The following TNIP1 variants were observed in gnomAD, a reference collection of about 807,000 sequenced individuals.
TNIP1 encodes the protein TNFAIP3-interacting protein 1.
A neutral mutation model predicts 86.6 loss-of-function variants in TNIP1; 22 were observed. That is an observed-to-expected ratio of 0.25 (90% CI 0.18 to 0.36). The LOEUF (loss-of-function observed/expected upper bound fraction) is 0.36. Ranked by LOEUF, TNIP1 falls within the 10% of genes least tolerant of loss-of-function variation. TNIP1 has a pLI of 1.00. For synonymous variants in TNIP1, 294 were observed against 313.0 expected (o/e 0.94, Z 0.64); for missense variants, 709 against 820.6 (o/e 0.86, Z 1.66).
At chr5:151,042,842 A>C (rs1758619360) in intron 10 of TNIP1, 54 bp downstream of exon 10, 4 of 1,610,630 alleles carry the variant, frequency 2.5e-6, no homozygotes, top group African/African-American at 2.7e-5. Flanking sequence ...CTAAAGAGGC[A>C]GCGAGATGAA....
intron 12 of TNIP1, among the ~76,000 whole-genome samples, chr5:151,037,872 C>CT (rs1205967851): frequency 6.6e-6 from 1 of 152,206 alleles, no homozygotes; most frequent in Non-Finnish European, 1.5e-5. Flanking sequence ...ATTCAGGATG[C>CT]TCCGAGGGGA....
At chr5:151,060,800 T>C (rs185440456) in intron 4 of TNIP1, among the ~76,000 whole-genome samples, 127 of 152,348 alleles carry the variant, frequency 8.3e-4, no homozygotes, top group Admixed American at 2.6e-3. Context: ...CAGTATACAG[T>C]TGGTTAATGC....
At chr5:151,053,485 G>A (rs1437404238) in intron 6 of TNIP1, among the ~76,000 whole-genome samples, 1 of 152,182 alleles carries the variant, frequency 6.6e-6, no homozygotes, top group African/African-American at 2.4e-5. Flanking sequence ...GAGTGGAAGT[G>A]TCCATGAACC....
intron 12 of TNIP1, among the ~76,000 whole-genome samples, chr5:151,038,493 G>C (rs183510814): frequency 6.6e-6 from 1 of 152,154 alleles, no homozygotes; most frequent in Non-Finnish European, 1.5e-5. Flanking sequence ...AGACCACTCC[G>C]CTTGGCTCAG....
chr5:151,059,875 G>A (rs1463779882), intron 5 of TNIP1, among the ~76,000 whole-genome samples: 5 of 88,406 alleles, frequency 5.7e-5, no homozygotes, highest in Non-Finnish European at 6.4e-5. Flanking sequence ...GTGCGCGCGC[G>A]CGCGCGCATG....
chr5:151,063,631 G>C lies in TNIP1; in HGVS notation c.253C>G (p.Pro85Ala), dbSNP rs1761866325. ...PPSPSLGSFD[P>A]LAELTGKDSN... ...CTTATACCTGTGAGCTCAGCCAGGG[G>C]GTCGAAGGAGCCCAAGGAGGGAGAA... The change falls in exon 3 of 18, where the codon CCC (proline) becomes GCC (alanine). Residue 85 changes from proline to alanine, a missense_variant. By Grantham distance (27) the Pro-to-Ala change is conservative (BLOSUM62 -1). Transcript: ENST00000521591. 1 of 1,613,926 alleles carries C rather than the reference G, an allele frequency of 6.2e-7. No homozygotes were observed. Among genetic ancestry groups the C allele is most frequent in the African/African-American group, 1.3e-5 (1 of 74,884 alleles).
chr5:151,059,779 CAGAGAGAGAGAGAG>C (rs55637016), intron 5 of TNIP1, among the ~76,000 whole-genome samples: 899 of 67,390 alleles, frequency 0.013, 6 homozygotes, highest in East Asian at 0.031. Flanking sequence ...GTACGAGAGA[CAGAGAGAGAGAGAG>C]AGAGAGAGAG....
intron 1 of TNIP1, among the ~76,000 whole-genome samples, chr5:151,075,964 C>T (rs1044651811): frequency 1.1e-4 from 16 of 152,232 alleles, no homozygotes; most frequent in Non-Finnish European, 5.9e-5. Flanking sequence ...CTGGGCTGCC[C>T]GGTTTGTCCA....
chr5:151,055,923 G>T (rs750681970), intron 6 of TNIP1, among the ~76,000 whole-genome samples: 15 of 152,220 alleles, frequency 9.9e-5, no homozygotes, highest in African/African-American at 3.4e-4. Context: ...ACACTTCCCC[G>T]CTGCTAAAGC....
At chr5:151,060,191 G>T in intron 5 of TNIP1, 127 bp downstream of exon 5, 2 of 925,144 alleles carry the variant, frequency 2.2e-6, no homozygotes, top group East Asian at 2.5e-5. Flanking sequence ...CCTGCCCCTC[G>T]TGTATCCCCA....
intron 11 of TNIP1, among the ~76,000 whole-genome samples, chr5:151,040,377 G>A (rs1329763470): frequency 6.6e-6 from 1 of 152,222 alleles, no homozygotes; most frequent in Admixed American, 6.5e-5. Flanking sequence ...ACCCAGCCCT[G>A]TGTGACCTTT....
At chr5:151,086,406 G>GCAGA (rs2113872113) in intron 1 of TNIP1, among the ~76,000 whole-genome samples, 1 of 152,276 alleles carries the variant, frequency 6.6e-6, no homozygotes, top group African/African-American at 2.4e-5. Context: ...GGCCCTAGAA[G>GCAGA]CAGAGCAGGC....
chr5:151,084,176 G>A (rs143499923), upstream of TNIP1, among the ~76,000 whole-genome samples: 2 of 152,356 alleles, frequency 1.3e-5, no homozygotes, highest in East Asian at 3.9e-4. Context: ...GGCATGCCGT[G>A]GCTCACGCCT....
chr5:151,059,134 G>T (rs1167012510), intron 5 of TNIP1, among the ~76,000 whole-genome samples: 1 of 152,242 alleles, frequency 6.6e-6, no homozygotes, highest in Non-Finnish European at 1.5e-5. Flanking sequence ...AGGCTGTGTT[G>T]TCTTGGCTCA....
intron 13 of TNIP1, 31 bp from the exon 14 acceptor site, chr5:151,035,738 G>A (rs778995293): frequency 9.3e-6 from 15 of 1,612,542 alleles, no homozygotes; most frequent in African/African-American, 4.0e-5. Context: ...AGAGAGGGAG[G>A]GGGATGGTCC....
At chr5:151,045,161 G>A (rs369452180) in intron 9 of TNIP1, among the ~76,000 whole-genome samples, 20 of 152,150 alleles carry the variant, frequency 1.3e-4, no homozygotes, top group African/African-American at 3.6e-4. Flanking sequence ...GCACGGTCTC[G>A]GATCACTGCA....
intron 13 of TNIP1, among the ~76,000 whole-genome samples, chr5:151,036,241 G>A (rs1554137970): frequency 6.6e-6 from 1 of 152,138 alleles, no homozygotes; most frequent in Non-Finnish European, 1.5e-5. Flanking sequence ...AGAGACAATG[G>A]GAGAGCCACA....
At chr5:151,059,689 CAGA>C (rs1761133741) in intron 5 of TNIP1, among the ~76,000 whole-genome samples, 1 of 151,096 alleles carries the variant, frequency 6.6e-6, no homozygotes, top group South Asian at 2.1e-4. Context: ...TAAGAAAGAA[CAGA>C]AGGAGATATA....
At chr5:151,054,470 C>G (rs1760383708) in intron 6 of TNIP1, among the ~76,000 whole-genome samples, 1 of 152,066 alleles carries the variant, frequency 6.6e-6, no homozygotes, top group Non-Finnish European at 1.5e-5. Flanking sequence ...CACTTGAGCC[C>G]AGGAGTTCAA....
Sources: gnomAD v4.1 joint callset for allele counts (sites outside exome capture counted in the v4.1 genomes callset) on GRCh38, gnomAD v4.1.1 for gene constraint, MANE v1.5 for transcripts, NCBI Gene and HGNC (gene_info 2026-07-23, HGNC 2026-07-21) for gene names.